Variants in MTHFD2L observed in about 807,000 individuals in gnomAD.
The protein encoded by MTHFD2L is methylenetetrahydrofolate dehydrogenase (NADP+ dependent) 2 like.
Under a neutral mutation model 34.9 loss-of-function variants are expected in MTHFD2L, and 29 were observed. That is an observed-to-expected ratio of 0.83 (90% CI 0.62 to 1.13). The LOEUF is 1.13. Among genes scored for constraint, MTHFD2L ranks in the 50% most tolerant of loss-of-function variants. The pLI is 0.00. For missense variants in MTHFD2L, 481 were observed against 446.5 expected (o/e 1.08, Z -0.70); for synonymous variants, 167 against 155.7 (o/e 1.07, Z -0.54).
At chr4:74,251,485 C>T (rs1452661257) in intron 6 of MTHFD2L, among the ~76,000 whole-genome samples, 2 of 152,196 alleles carry the variant, frequency 1.3e-5, no homozygotes, top group Non-Finnish European at 2.9e-5. Flanking sequence ...CTCTTTTTAG[C>T]TTCCTAAATC....
intron 6 of MTHFD2L, among the ~76,000 whole-genome samples, chr4:74,238,724 AAC>A (rs1741221571): frequency 6.6e-6 from 1 of 152,208 alleles, no homozygotes; most frequent in Admixed American, 6.5e-5. Context: ...GCAGCCAACA[AAC>A]ACAAGAAAAA....
chr4:74,146,903 C>A (rs1723627093), intron 1 of MTHFD2L, among the ~76,000 whole-genome samples: 1 of 151,800 alleles, frequency 6.6e-6, no homozygotes, highest in African/African-American at 2.4e-5. Context: ...TTTATTATTT[C>A]TTCTGCTTGA....
chr4:74,217,891 A>G (rs1160298741), intron 5 of MTHFD2L, among the ~76,000 whole-genome samples: 2 of 152,158 alleles, frequency 1.3e-5, no homozygotes, highest in African/African-American at 2.4e-5. Flanking sequence ...GGGGAATTGA[A>G]GCAGAAGTGA....
intron 6 of MTHFD2L, chr4:74,267,249 G>T: frequency 1.0e-6 from 1 of 984,876 alleles, no homozygotes; most frequent in African/African-American, 1.7e-5. Context: ...GTGCATTGGT[G>T]TCTGTTTGCA....
At chr4:74,177,499 T>C (rs1729275677) in intron 3 of MTHFD2L, among the ~76,000 whole-genome samples, 1 of 151,956 alleles carries the variant, frequency 6.6e-6, no homozygotes, top group South Asian at 2.1e-4. Flanking sequence ...CCAACAGGTA[T>C]ATGAAAATGA....
chr4:74,118,804 C>T (rs866278501), upstream of MTHFD2L, among the ~76,000 whole-genome samples: 1 of 152,178 alleles, frequency 6.6e-6, no homozygotes, highest in African/African-American at 2.4e-5. Flanking sequence ...TAGCCGCTCC[C>T]CATTGCTCAC....
chr4:74,226,783 A>T (rs1476455762), intron 6 of MTHFD2L, among the ~76,000 whole-genome samples: 1 of 152,230 alleles, frequency 6.6e-6, no homozygotes, highest in Non-Finnish European at 1.5e-5. Context: ...TTTTAGGAAT[A>T]CAGCAATGGA....
upstream of MTHFD2L, chr4:74,157,993 C>G (rs1724478758): frequency 7.9e-7 from 1 of 1,258,448 alleles, no homozygotes; most frequent in Non-Finnish European, 1.1e-6. Context: ...CGCTCTTTAC[C>G]CCACTCTGCG....
intron 5 of MTHFD2L, among the ~76,000 whole-genome samples, chr4:74,218,535 T>C (rs570336691): frequency 6.8e-4 from 103 of 152,184 alleles, no homozygotes; most frequent in Non-Finnish European, 9.4e-4. Flanking sequence ...GGATCATTTA[T>C]TGATTATTGA....
chr4:74,285,829 G>T lies in MTHFD2L; in HGVS notation c.931+4279G>T, dbSNP rs568256277. Reference sequence around the variant, plus strand: ...TCTAATTAAATCTCATGAAATTAGTGATCATATAGTTCAAATTCATATCCA... The same window carrying T: ...TCTAATTAAATCTCATGAAATTAGTTATCATATAGTTCAAATTCATATCCA... On this transcript the variant is annotated intron_variant, in intron 7 of 7. Transcript: ENST00000325278. 1.2e-3 allele frequency among the ~76,000 whole-genome samples: 178 copies of T among 152,162 alleles called. 3 individuals carry two copies. The South Asian group carries it at 0.034, about 29-fold the overall frequency.
At chr4:74,173,539 T>G (rs1289871696) in intron 1 of MTHFD2L, among the ~76,000 whole-genome samples, 1 of 152,130 alleles carries the variant, frequency 6.6e-6, no homozygotes, top group Non-Finnish European at 1.5e-5. Context: ...TGGAATAACA[T>G]TTTTCTTTGA....
chr4:74,294,222 T>C lies in MTHFD2L; in HGVS notation c.932-7475T>C, dbSNP rs1051475949. 4.6e-5 allele frequency among the ~76,000 whole-genome samples: 7 copies of C among 152,244 alleles called. No homozygotes were observed. The East Asian group carries it at 1.3e-3, about 29-fold the overall frequency. ...TCTTTAACTTTGCCAGAATATACAATTTCCAAAATATACTAGCAAAATTAA... is the reference window on the plus strand; with the variant it reads ...TCTTTAACTTTGCCAGAATATACAACTTCCAAAATATACTAGCAAAATTAA... On this transcript the variant is annotated intron_variant, in intron 7 of 7. Transcript: ENST00000325278.
At chr4:74,160,214 A>G (rs1372972003) in intron 1 of MTHFD2L, 4 of 734,730 alleles carry the variant, frequency 5.4e-6, no homozygotes, top group Non-Finnish European at 7.9e-6. Context: ...TTCTTTTGCC[A>G]TGAAATTTAC....
intron 6 of MTHFD2L, among the ~76,000 whole-genome samples, chr4:74,245,501 A>C (rs1391889598): frequency 6.6e-6 from 1 of 151,972 alleles, no homozygotes; most frequent in Non-Finnish European, 1.5e-5. Context: ...TTATACTTTA[A>C]GTTTTAGGGT....
intron 6 of MTHFD2L, chr4:74,267,890 T>G: frequency 3.0e-6 from 3 of 985,208 alleles, no homozygotes; most frequent in Non-Finnish European, 3.6e-6. Context: ...GACGATCCAA[T>G]ATGGCACAGA....
chr4:74,275,640 C>A (rs2169129), intron 6 of MTHFD2L, among the ~76,000 whole-genome samples: 141,418 of 152,150 alleles, frequency 0.93, 65,858 homozygotes, highest in East Asian at 0.99. Flanking sequence ...TGCCTTTCTG[C>A]CTGGTGTGAG....
chr4:74,230,380 A>G (rs1293133364), intron 6 of MTHFD2L, among the ~76,000 whole-genome samples: 1 of 152,042 alleles, frequency 6.6e-6, no homozygotes, highest in Non-Finnish European at 1.5e-5. Flanking sequence ...ACCTGTGGTC[A>G]GGAGTTTGAG....
At chr4:74,141,296 A>G (rs1164037255) in intron 1 of MTHFD2L, among the ~76,000 whole-genome samples, 1 of 152,238 alleles carries the variant, frequency 6.6e-6, no homozygotes, top group African/African-American at 2.4e-5. Context: ...ATAATTATCC[A>G]TAGGATAACA....
chr4:74,219,227 G>C (rs973081231), intron 5 of MTHFD2L, among the ~76,000 whole-genome samples: 13 of 152,118 alleles, frequency 8.5e-5, no homozygotes, highest in Admixed American at 8.5e-4. Context: ...GATACTGAGG[G>C]ACAACTGTAT....
Sources: gnomAD v4.1 joint callset for allele counts (sites outside exome capture counted in the v4.1 genomes callset) on GRCh38, gnomAD v4.1.1 for gene constraint, MANE v1.5 for transcripts, NCBI Gene and HGNC (gene_info 2026-07-23, HGNC 2026-07-21) for gene names.